TRAPPC11: variants seen among roughly 807,000 people sequenced by gnomAD.
TRAPPC11 encodes the protein trafficking protein particle complex subunit 11.
Under a neutral mutation model 151.2 loss-of-function variants are expected in TRAPPC11, and 104 were observed. That is an observed-to-expected ratio of 0.69 (90% CI 0.59 to 0.81). The LOEUF (loss-of-function observed/expected upper bound fraction) is 0.81. Among genes scored for constraint, TRAPPC11 ranks in the 30% least tolerant of loss-of-function variants. The pLI is 0.00. For synonymous variants in TRAPPC11, 456 were observed against 472.3 expected (o/e 0.97, Z 0.45); for missense variants, 1,230 against 1,349.6 (o/e 0.91, Z 1.39).
chr4:183,674,853 A>T (rs557242487), intron 6 of TRAPPC11, 41 bp downstream of exon 6: 261 of 1,203,008 alleles, frequency 2.2e-4, no homozygotes, highest in Non-Finnish European at 3.1e-4. Context: ...TCTGGAGCGG[A>T]TTATTATTAT....
intron 1 of TRAPPC11, among the ~76,000 whole-genome samples, chr4:183,661,607 G>A (rs1734547303): frequency 6.6e-6 from 1 of 151,756 alleles, no homozygotes; most frequent in Non-Finnish European, 1.5e-5. Context: ...TCCTGACCTT[G>A]TGATCCGCCC....
intron 18 of TRAPPC11, 29 bp from the exon 19 acceptor site, chr4:183,691,287 A>T: frequency 7.0e-7 from 1 of 1,437,044 alleles, no homozygotes; most frequent in Non-Finnish European, 9.3e-7. Flanking sequence ...GACATCTGAC[A>T]TTTGATGACC....
intron 15 of TRAPPC11, 64 bp from the exon 16 acceptor site, chr4:183,685,020 T>TA (rs541984190): frequency 6.2e-5 from 93 of 1,501,058 alleles, no homozygotes; most frequent in Non-Finnish European, 8.4e-5. Flanking sequence ...TCTAAAACAA[T>TA]AAATGGGGGT....
chr4:183,682,723 A>G lies in TRAPPC11; in HGVS notation c.1114-9A>G. Reference sequence around the variant, plus strand: ...AAACTATTATTTAGGTTTGTGTTTTAATTTACAGGCTTCTGTAATGTATCC... The same window carrying G: ...AAACTATTATTTAGGTTTGTGTTTTGATTTACAGGCTTCTGTAATGTATCC... On this transcript the variant is annotated splice_polypyrimidine_tract_variant and intron_variant, in intron 10 of 29. Coordinates refer to ENST00000334690, the MANE Select transcript of TRAPPC11 (RefSeq NM_021942.6). 6.3e-7 allele frequency: 1 copy of G among 1,594,110 alleles called. No individual in the cohort carries two copies. Among genetic ancestry groups the G allele is most frequent in the Admixed American group, 1.7e-5 (1 of 58,056 alleles).
intron 1 of TRAPPC11, among the ~76,000 whole-genome samples, chr4:183,661,443 C>T (rs1734524662): frequency 7.1e-6 from 1 of 141,796 alleles, no homozygotes; most frequent in South Asian, 2.2e-4. Context: ...GCGATCTCCG[C>T]TCACTGCAAG....
intron 5 of TRAPPC11, among the ~76,000 whole-genome samples, chr4:183,670,866 ACCT>A (rs2111317808): frequency 6.6e-6 from 1 of 152,116 alleles, no homozygotes; most frequent in South Asian, 2.1e-4. Flanking sequence ...GCTCACTGCA[ACCT>A]CTGCCCCCCA....
chr4:183,661,938 T>A (rs1561022156), intron 1 of TRAPPC11, among the ~76,000 whole-genome samples: 1 of 151,926 alleles, frequency 6.6e-6, no homozygotes, highest in Admixed American at 6.6e-5. Context: ...TTTTCTTTTT[T>A]ATTTCTTTTA....
At chr4:183,697,386 C>A in intron 23 of TRAPPC11, 117 bp from the exon 24 acceptor site, 5 of 931,870 alleles carry the variant, frequency 5.4e-6, no homozygotes, top group Non-Finnish European at 8.0e-6. Flanking sequence ...AAGGCCTTTA[C>A]TTCTTAGTAT....
At chr4:183,709,162 G>A (rs770780546) in intron 29 of TRAPPC11, among the ~76,000 whole-genome samples, 7 of 152,100 alleles carry the variant, frequency 4.6e-5, no homozygotes, top group African/African-American at 9.7e-5. Flanking sequence ...CATGCTTCTG[G>A]TGTCCCTCTA....
chr4:183,687,559 G>T (rs562966039), intron 18 of TRAPPC11, among the ~76,000 whole-genome samples: 2 of 151,972 alleles, frequency 1.3e-5, no homozygotes, highest in Admixed American at 6.6e-5. Flanking sequence ...GAACTCCTGG[G>T]CTCCAGTGAT....
intron 29 of TRAPPC11, among the ~76,000 whole-genome samples, chr4:183,709,885 T>C (rs72693623): frequency 0.094 from 14,298 of 152,244 alleles, 810 homozygotes; most frequent in East Asian, 0.14. Flanking sequence ...GACATTTCCA[T>C]TGGCCCCACA....
At chr4:183,701,474 C>T in intron 25 of TRAPPC11, 2 of 456,462 alleles carry the variant, frequency 4.4e-6, no homozygotes, top group Non-Finnish European at 7.8e-6. Flanking sequence ...TATACAGATG[C>T]CTCATTGGAT....
chr4:183,686,962 C>T (rs1736006294), intron 18 of TRAPPC11, among the ~76,000 whole-genome samples: 1 of 152,136 alleles, frequency 6.6e-6, no homozygotes, highest in African/African-American at 2.4e-5. Flanking sequence ...AGGCAGATCA[C>T]AAGGTCAAGA....
chr4:183,664,213 G>A, intron 2 of TRAPPC11, 142 bp downstream of exon 2: 1 of 646,556 alleles, frequency 1.5e-6, no homozygotes, highest in East Asian at 2.6e-5. Flanking sequence ...GCATTTTCAT[G>A]TAATACACTG....
At chr4:183,672,960 A>ATTTTTTTTTTTT (rs35637688) in intron 5 of TRAPPC11, among the ~76,000 whole-genome samples, 2 of 131,026 alleles carry the variant, frequency 1.5e-5, no homozygotes, top group African/African-American at 5.8e-5. Flanking sequence ...CCGTTCGCAA[A>ATTTTTTTTTTTT]TTTTTTTTTT....
chr4:183,664,921 C>G (rs924835615), intron 2 of TRAPPC11, among the ~76,000 whole-genome samples: 6 of 151,836 alleles, frequency 4.0e-5, no homozygotes, highest in African/African-American at 1.5e-4. Flanking sequence ...CAGCCCTCCT[C>G]TTTGGTTTCT....
rs1352140153 is a variant in TRAPPC11, at chr4:183,666,204, AGGT to A, written c.205-49_205-47del. Reference sequence around the variant, plus strand: ...CATAAAGTGCTTGGCACTCAGTAACAGGTGGTTTCTGCTCCTGTCAGGTAACTT... The same window carrying A: ...CATAAAGTGCTTGGCACTCAGTAACAGGTTTCTGCTCCTGTCAGGTAACTT... On this transcript the variant is annotated intron_variant, in intron 2 of 29. Coordinates refer to ENST00000334690, the MANE Select transcript of TRAPPC11 (RefSeq NM_021942.6). The A allele has an allele frequency of 6.1e-5, 95 of 1,554,864 alleles. 1 individual carries two copies. The highest frequency in any genetic ancestry group is 4.0e-4 in the Middle Eastern group (2 of 5,018).
chr4:183,672,590 A>T (rs1217956336), intron 5 of TRAPPC11, among the ~76,000 whole-genome samples: 1 of 152,234 alleles, frequency 6.6e-6, no homozygotes, highest in Non-Finnish European at 1.5e-5. Context: ...AAAAAGTGGA[A>T]GCCTTACAAC....
rs111878796 is a variant in TRAPPC11 at position 183,668,647 on chromosome 4, A to G, written c.560+530A>G. ...TCATTCTTGAGCTGTCGATGTATCTATGTCACTAATTTCTTAGGAAGGTGT... is the reference window on the plus strand; with the variant it reads ...TCATTCTTGAGCTGTCGATGTATCTGTGTCACTAATTTCTTAGGAAGGTGT... On this transcript the variant is annotated intron_variant, in intron 5 of 29. Coordinates refer to ENST00000334690, the MANE Select transcript of TRAPPC11 (RefSeq NM_021942.6). Among the ~76,000 whole-genome samples the G allele has an allele frequency of 3.9e-3, 594 of 152,276 alleles. 4 individuals are homozygous for G. The highest frequency in any genetic ancestry group is 0.014 in the African/African-American group (562 of 41,556).
Sources: gnomAD v4.1 joint callset for allele counts (sites outside exome capture counted in the v4.1 genomes callset) on GRCh38, gnomAD v4.1.1 for gene constraint, MANE v1.5 for transcripts, NCBI Gene and HGNC (gene_info 2026-07-23, HGNC 2026-07-21) for gene names.